EXOC6B: variants seen among roughly 807,000 people sequenced by gnomAD.
EXOC6B encodes SEC15 homolog B.
EXOC6B carries 54 observed loss-of-function variants against 113.5 expected under a neutral mutation model. That is an observed-to-expected ratio of 0.48 (90% CI 0.38 to 0.60). The LOEUF (loss-of-function observed/expected upper bound fraction) is 0.60, where lower values mean the gene tolerates loss of function less well. EXOC6B is among the 20% of genes least tolerant of loss of function. The probability of loss-of-function intolerance (pLI) is 0.00; values close to 1 mark genes in which losing one functional copy is unlikely to be tolerated. For synonymous variants in EXOC6B, 357 were observed against 339.0 expected (o/e 1.05, Z -0.58); for missense variants, 797 against 977.5 (o/e 0.82, Z 2.46).
intron 6 of EXOC6B, among the ~76,000 whole-genome samples, chr2:72,592,523 T>C (rs1706036397): frequency 6.6e-6 from 1 of 152,166 alleles, no homozygotes; most frequent in African/African-American, 2.4e-5. Context: ...CCCAGGATCC[T>C]AGAATAATAC....
At chr2:72,737,333 G>A (rs1294666380) in intron 2 of EXOC6B, among the ~76,000 whole-genome samples, 4 of 151,384 alleles carry the variant, frequency 2.6e-5, no homozygotes, top group Admixed American at 2.6e-4. Context: ...AACAGAGTGA[G>A]ACTCTGCCTC....
intron 20 of EXOC6B, among the ~76,000 whole-genome samples, chr2:72,240,531 C>T (rs1412370072): frequency 6.6e-6 from 1 of 152,180 alleles, no homozygotes; most frequent in African/African-American, 2.4e-5. Flanking sequence ...TTCCAAATGA[C>T]TTTTACTCTG....
At chr2:72,279,787 T>C (rs188426963) in intron 20 of EXOC6B, among the ~76,000 whole-genome samples, 1 of 152,034 alleles carries the variant, frequency 6.6e-6, no homozygotes, top group East Asian at 1.9e-4. Flanking sequence ...CTAATAATAT[T>C]TGGGTTTTTT....
At chr2:72,423,622 T>C (rs1260369668) in intron 18 of EXOC6B, among the ~76,000 whole-genome samples, 1 of 152,200 alleles carries the variant, frequency 6.6e-6, no homozygotes, top group Non-Finnish European at 1.5e-5. Flanking sequence ...ATAACTGCTT[T>C]AGCTACCACC....
intron 6 of EXOC6B, among the ~76,000 whole-genome samples, chr2:72,671,257 T>C (rs547767771): frequency 6.6e-6 from 1 of 152,326 alleles, no homozygotes; most frequent in East Asian, 1.9e-4. Flanking sequence ...GTTTGCAACC[T>C]ATCTATCTGA....
chr2:72,448,756 A>C (rs2105354119), intron 18 of EXOC6B, among the ~76,000 whole-genome samples: 1 of 152,338 alleles, frequency 6.6e-6, no homozygotes, highest in Non-Finnish European at 1.5e-5. Context: ...GCCCAAAACT[A>C]AGTTCTCTAT....
chr2:72,348,653 C>A (rs1689472216), intron 19 of EXOC6B, among the ~76,000 whole-genome samples: 1 of 152,150 alleles, frequency 6.6e-6, no homozygotes, highest in African/African-American at 2.4e-5. Flanking sequence ...AGGATAAAAA[C>A]TCTCTGCCTC....
At position 72,788,527 on chromosome 2, in the gene EXOC6B, T is replaced by C. The variant is rs113397730; in HGVS notation, c.113+37271A>G. On this transcript the variant is annotated intron_variant, in intron 1 of 21. Transcript: ENST00000272427. ...AATCTGCCAGCTGGGTCTGGTGCAG[T>C]GGCTCGCACCTGTAATCCTAGCACT... Among the ~76,000 whole-genome samples the C allele has an allele frequency of 3.5e-3, 526 of 152,324 alleles. 3 individuals carry two copies. The highest frequency in any genetic ancestry group is 0.012 in the African/African-American group (500 of 41,578).
intron 1 of EXOC6B, among the ~76,000 whole-genome samples, chr2:72,803,886 T>C (rs1024545241): frequency 6.6e-6 from 1 of 152,190 alleles, no homozygotes; most frequent in Non-Finnish European, 1.5e-5. Context: ...CTGAGTACTA[T>C]ACAACCAGCA....
intron 20 of EXOC6B, among the ~76,000 whole-genome samples, chr2:72,209,990 A>G (rs1680084789): frequency 6.6e-6 from 1 of 152,216 alleles, no homozygotes; most frequent in Non-Finnish European, 1.5e-5. Context: ...ATGCTGCTAC[A>G]CATGGATTAT....
chr2:72,694,848 G>A (rs1485205844), intron 6 of EXOC6B, among the ~76,000 whole-genome samples: 1 of 152,134 alleles, frequency 6.6e-6, no homozygotes, highest in Non-Finnish European at 1.5e-5. Context: ...ATGTCATTTG[G>A]CAGATGCAGT....
chr2:72,384,349 G>T (rs1286500913), intron 18 of EXOC6B, among the ~76,000 whole-genome samples: 1 of 151,840 alleles, frequency 6.6e-6, no homozygotes, highest in African/African-American at 2.4e-5. Flanking sequence ...AACGAATTAG[G>T]TATAGAAGGA....
chr2:72,203,036 T>C (rs1679585319), intron 20 of EXOC6B, among the ~76,000 whole-genome samples: 1 of 152,206 alleles, frequency 6.6e-6, no homozygotes, highest in African/African-American at 2.4e-5. Flanking sequence ...CTCTCTAAAA[T>C]GAAAATAATA....
intron 16 of EXOC6B, among the ~76,000 whole-genome samples, chr2:72,483,393 G>A (rs1699219599): frequency 6.6e-6 from 1 of 152,054 alleles, no homozygotes; most frequent in Non-Finnish European, 1.5e-5. Flanking sequence ...GAGGAATCAT[G>A]TCATGTTATC....
chr2:72,652,666 T>C (rs891810482), intron 6 of EXOC6B, among the ~76,000 whole-genome samples: 9 of 148,976 alleles, frequency 6.0e-5, no homozygotes, highest in Non-Finnish European at 8.9e-5. Context: ...CTTATATAAA[T>C]ATATGTATAT....
chr2:72,291,702 C>A lies in EXOC6B; in HGVS notation c.2196+43245G>T, dbSNP rs187209962. Among the ~76,000 whole-genome samples, 198 of 152,258 alleles carry A rather than the reference C, an allele frequency of 1.3e-3. 1 individual carries two copies. The highest frequency in any genetic ancestry group is 4.6e-3 in the African/African-American group (192 of 41,566). ...ATCAAATAAAGTAGAAGTCTGCAGTCTCTCACTGAGAAAAGCTGGAATCAA... is the reference window on the plus strand; with the variant it reads ...ATCAAATAAAGTAGAAGTCTGCAGTATCTCACTGAGAAAAGCTGGAATCAA... On this transcript the variant is annotated intron_variant, in intron 20 of 21. Transcript: ENST00000272427.
intron 6 of EXOC6B, among the ~76,000 whole-genome samples, chr2:72,652,343 G>A (rs1674238013): frequency 6.6e-6 from 1 of 152,092 alleles, no homozygotes; most frequent in African/African-American, 2.4e-5. Flanking sequence ...ATCTAATTGA[G>A]TTTGATTTAC....
At chr2:72,361,421 C>T (rs760920079) in intron 19 of EXOC6B, among the ~76,000 whole-genome samples, 6 of 152,122 alleles carry the variant, frequency 3.9e-5, no homozygotes, top group Non-Finnish European at 7.4e-5. Context: ...CTATGTTTCT[C>T]ACCAGGGTCC....
chr2:72,575,296 CA>C (rs905209632), intron 7 of EXOC6B, among the ~76,000 whole-genome samples, 195 bp downstream of exon 7: 2 of 151,942 alleles, frequency 1.3e-5, no homozygotes, highest in African/African-American at 4.8e-5. Flanking sequence ...TTTGAATTCT[CA>C]AAAAAGAATC....
Sources: gnomAD v4.1 joint callset for allele counts (sites outside exome capture counted in the v4.1 genomes callset) on GRCh38, gnomAD v4.1.1 for gene constraint, MANE v1.5 for transcripts, NCBI Gene and HGNC (gene_info 2026-07-23, HGNC 2026-07-21) for gene names.